The following CTNNA3 variants were observed in gnomAD, a reference collection of about 807,000 sequenced individuals.
The protein encoded by CTNNA3 is catenin alpha 3.
In CTNNA3, 76 loss-of-function variants were observed where a neutral mutation model predicts 95.7. The observed-to-expected ratio is 0.79, with a 90% CI of 0.66 to 0.96. CTNNA3 has a LOEUF of 0.96. Among genes scored for constraint, CTNNA3 ranks in the 40% least tolerant of loss-of-function variants. The pLI is 0.00. For synonymous variants in CTNNA3, 431 were observed against 374.4 expected (o/e 1.15, Z -1.74); for missense variants, 1,191 against 1,089.8 (o/e 1.09, Z -1.31).
rs1001794020 is a variant in CTNNA3, at chr10:66,289,277, G to C, written c.1733-8656C>G. Among the ~76,000 whole-genome samples, 5 of 151,514 alleles carry C rather than the reference G, an allele frequency of 3.3e-5. No individual in the cohort carries two copies. In the Admixed American group the frequency reaches 3.3e-4, roughly 10 times the overall value. On this transcript the variant is annotated intron_variant, in intron 12 of 17. Transcript: ENST00000433211. ...AAGCATAAGAGCTTCCTATATGCAA[G>C]GGGTACAAGGTTAAGATTTTTAAAG...
chr10:66,842,421 T>C (rs1843099629), intron 7 of CTNNA3, among the ~76,000 whole-genome samples: 1 of 152,092 alleles, frequency 6.6e-6, no homozygotes, highest in South Asian at 2.1e-4. Context: ...CTGCCTCGTA[T>C]TGAGAAGTAG....
Position 67,647,433 on chromosome 10 carries a change from C to T in CTNNA3, c.81G>A (p.Leu27=). The part of the protein sequence containing the change: ...QVQTFTVEKL[L]EPLIIQVTTL... ...TTAATACCTGGATTATGAGAGGCTC[C>T]AGTAGCTTCTCCACGGTGAATGTTT... is the stretch of plus-strand genomic sequence containing the variant. Residue 27 remains leucine (L), a synonymous_variant, in exon 2 of 18, where the codon CTG becomes CTA. Coordinates refer to ENST00000433211, the MANE Select transcript of CTNNA3 (RefSeq NM_013266.4). The T allele has an allele frequency of 6.2e-7, 1 of 1,612,896 alleles. No individual in the cohort carries two copies. The highest frequency in any genetic ancestry group is 8.5e-7 in the Non-Finnish European group (1 of 1,179,222).
At chr10:66,984,143 A>T (rs1850598203) in intron 7 of CTNNA3, among the ~76,000 whole-genome samples, 1 of 74,356 alleles carries the variant, frequency 1.3e-5, no homozygotes, top group South Asian at 6.6e-4. Context: ...TCTAGGAGTC[A>T]TCCGCTACCA....
intron 7 of CTNNA3, among the ~76,000 whole-genome samples, chr10:66,978,552 A>AAAAAAAAAAAAAATATATATATAT: frequency 5.3e-5 from 2 of 37,868 alleles, no homozygotes; most frequent in Admixed American, 4.9e-4. Flanking sequence ...AAAAAAAAAA[A>AAAAAAAAAAAAAATATATATATAT]ATATATATAT....
intron 9 of CTNNA3, among the ~76,000 whole-genome samples, chr10:66,630,686 A>G (rs1845101812): frequency 1.3e-5 from 2 of 152,080 alleles, no homozygotes; most frequent in Non-Finnish European, 1.5e-5. Context: ...CCATGTTGGC[A>G]CCGAATGACC....
chr10:67,114,348 A>G (rs555964924), intron 7 of CTNNA3, among the ~76,000 whole-genome samples: 16 of 152,262 alleles, frequency 1.1e-4, no homozygotes, highest in African/African-American at 3.4e-4. Context: ...TTCTGTTCAA[A>G]GAGTAAAATG....
chr10:66,439,819 G>A (rs1442988995), intron 11 of CTNNA3, among the ~76,000 whole-genome samples: 1 of 152,112 alleles, frequency 6.6e-6, no homozygotes, highest in African/African-American at 2.4e-5. Flanking sequence ...TATAAGGGCT[G>A]TTTATAAAAT....
At chr10:66,254,435 T>A (rs2090679536) in intron 13 of CTNNA3, among the ~76,000 whole-genome samples, 1 of 152,150 alleles carries the variant, frequency 6.6e-6, no homozygotes, top group Non-Finnish European at 1.5e-5. Context: ...ACATGGCTAA[T>A]ACGGTTCAAA....
chr10:65,992,004 G>A (rs1399319007), intron 15 of CTNNA3, among the ~76,000 whole-genome samples: 1 of 151,968 alleles, frequency 6.6e-6, no homozygotes, highest in East Asian at 1.9e-4. Flanking sequence ...CTATTGAGAT[G>A]ATCACATTTT....
intron 15 of CTNNA3, among the ~76,000 whole-genome samples, chr10:66,014,467 G>C (rs569287023): frequency 6.6e-6 from 1 of 152,202 alleles, no homozygotes; most frequent in African/African-American, 2.4e-5. Flanking sequence ...CTTAAATAAC[G>C]ATTATAGATT....
intron 15 of CTNNA3, among the ~76,000 whole-genome samples, chr10:66,052,881 A>G (rs753558465): frequency 2.6e-5 from 4 of 152,176 alleles, no homozygotes; most frequent in Non-Finnish European, 5.9e-5. Flanking sequence ...AAAATGAGAC[A>G]TGACGAGGTT....
At chr10:66,934,045 C>T (rs1418253271) in intron 7 of CTNNA3, among the ~76,000 whole-genome samples, 1 of 151,874 alleles carries the variant, frequency 6.6e-6, no homozygotes. Flanking sequence ...ATCCTGAACA[C>T]GTGAGGAAAA....
chr10:66,815,063 C>T (rs1159799914), intron 7 of CTNNA3, among the ~76,000 whole-genome samples: 1 of 151,868 alleles, frequency 6.6e-6, no homozygotes, highest in African/African-American at 2.4e-5. Context: ...TATTCGCCAA[C>T]ATTTTTTAAA....
intron 11 of CTNNA3, among the ~76,000 whole-genome samples, chr10:66,446,914 A>G (rs557976850): frequency 2.0e-5 from 3 of 151,970 alleles, no homozygotes; most frequent in African/African-American, 7.3e-5. Context: ...ATTATTGTAT[A>G]TCTAGAAAAC....
At chr10:67,138,253 G>C (rs141361658) in intron 7 of CTNNA3, among the ~76,000 whole-genome samples, 114 of 152,226 alleles carry the variant, frequency 7.5e-4, no homozygotes, top group African/African-American at 2.6e-3. Flanking sequence ...CAGTACACAT[G>C]TCCCATAAAC....
At chr10:66,390,370 T>C (rs2092925835) in intron 11 of CTNNA3, among the ~76,000 whole-genome samples, 1 of 152,146 alleles carries the variant, frequency 6.6e-6, no homozygotes, top group African/African-American at 2.4e-5. Flanking sequence ...TCCCCTGATA[T>C]CTACATACAC....
At chr10:66,746,884 TGC>T (rs1296873031) in intron 9 of CTNNA3, among the ~76,000 whole-genome samples, 21 of 148,414 alleles carry the variant, frequency 1.4e-4, no homozygotes, top group Middle Eastern at 3.5e-3. Flanking sequence ...TGTGTGTGTG[TGC>T]GTGCACACAC....
At chr10:66,508,434 T>C (rs1183537333) in intron 11 of CTNNA3, among the ~76,000 whole-genome samples, 4 of 152,060 alleles carry the variant, frequency 2.6e-5, no homozygotes, top group Non-Finnish European at 5.9e-5. Context: ...CTCTTGTTTT[T>C]AAAGTTGCTT....
At chr10:66,909,121 T>C (rs535182696) in intron 7 of CTNNA3, among the ~76,000 whole-genome samples, 88 of 152,218 alleles carry the variant, frequency 5.8e-4, no homozygotes, top group Admixed American at 3.9e-3. Flanking sequence ...GCGATAATAC[T>C]AGAGGTAAGA....
Sources: gnomAD v4.1 joint callset for allele counts (sites outside exome capture counted in the v4.1 genomes callset) on GRCh38, gnomAD v4.1.1 for gene constraint, MANE v1.5 for transcripts, NCBI Gene and HGNC (gene_info 2026-07-23, HGNC 2026-07-21) for gene names.